The following RNF169 variants were observed in gnomAD, a reference collection of about 807,000 sequenced individuals.
The protein encoded by RNF169 is ring finger protein 169, also known as E3 ubiquitin-protein ligase RNF169.
RNF169 carries 24 observed loss-of-function variants against 53.9 expected under a neutral mutation model. That is an observed-to-expected ratio of 0.45 (90% CI 0.32 to 0.63). The LOEUF (loss-of-function observed/expected upper bound fraction) is 0.63. Among genes scored for constraint, RNF169 ranks in the 20% least tolerant of loss-of-function variants. The pLI is 0.04. For missense variants in RNF169, 883 were observed against 906.2 expected, an observed-to-expected ratio of 0.97 and a Z score of 0.33; for synonymous variants, 396 against 363.5, an observed-to-expected ratio of 1.09 and a Z score of -1.02.
intron 4 of RNF169, among the ~76,000 whole-genome samples, chr11:74,822,002 C>T (rs1043258727): frequency 2.6e-5 from 4 of 151,894 alleles, no homozygotes; most frequent in African/African-American, 7.3e-5. Flanking sequence ...CTGGGTTTCA[C>T]TCCAGGGTGT....
chr11:74,798,753 C>T (rs1431131262), intron 2 of RNF169, among the ~76,000 whole-genome samples: 2 of 152,094 alleles, frequency 1.3e-5, no homozygotes, highest in African/African-American at 4.8e-5. Flanking sequence ...CCCCTGGATG[C>T]CCATCTTTAA....
chr11:74,812,764 T>C (rs749033079), intron 3 of RNF169, among the ~76,000 whole-genome samples: 8 of 152,210 alleles, frequency 5.3e-5, no homozygotes, highest in Non-Finnish European at 1.0e-4. Context: ...ATATAGAAAC[T>C]ATTGTGATTA....
intron 1 of RNF169, among the ~76,000 whole-genome samples, chr11:74,788,054 A>G (rs986477554): frequency 2.0e-5 from 3 of 152,142 alleles, no homozygotes; most frequent in Admixed American, 6.5e-5. Context: ...ACAGAAATCT[A>G]CTCTGGCAAA....
Position 74,836,928 on chromosome 11 carries a change from A to C in RNF169, c.*198A>C, listed in dbSNP as rs1273579903. 12 of 531,934 alleles carry C rather than the reference A, an allele frequency of 2.3e-5. No homozygotes were observed. Among genetic ancestry groups the C allele is most frequent in the Non-Finnish European group, 4.0e-5 (12 of 303,744 alleles). 33.0% of individuals were successfully genotyped at this position (531,934 alleles called of 1,614,324 possible). A position where few individuals can be genotyped will look rare whatever the true frequency, so the allele number is the denominator to read the frequency against. ...CTCTGTGACCCAGGCCAGAAGCCTG[A>C]GTGACCCATCCCTAAGGGCTTCTGG... On this transcript the variant is annotated 3_prime_UTR_variant, in exon 6 of 6. Transcript: ENST00000299563.
At chr11:74,803,091 TC>T (rs1430667344) in intron 2 of RNF169, among the ~76,000 whole-genome samples, 1 of 150,178 alleles carries the variant, frequency 6.7e-6, no homozygotes, top group Non-Finnish European at 1.5e-5. Flanking sequence ...AGGCTAATTT[TC>T]TTTTTTTTTT....
At chr11:74,796,905 C>T (rs144258936) in intron 2 of RNF169, among the ~76,000 whole-genome samples, 9 of 152,250 alleles carry the variant, frequency 5.9e-5, no homozygotes, top group Middle Eastern at 3.4e-3. Context: ...GGCTGGAATG[C>T]GTTGGCTATT....
In RNF169 at chr11:74,835,651, C is replaced by T. The variant is rs2036243036; in HGVS notation, c.1048C>T (p.Pro350Ser). The stretch of plus-strand genomic sequence containing the variant: ...TGACTTAACCATCGAAAAGCGTCTA[C>T]CCTTCAGCTCCCTTTCATCCTTGGC... ...APDLTIEKRL[P>S]FSSLSSLASL... Residue 350 changes from proline (P) to serine (S), a missense_variant, in exon 6 of 6, where the codon CCC becomes TCC. Pro to Ser is a moderately conservative substitution (Grantham distance 74, BLOSUM62 -1). Transcript: ENST00000299563. 6.2e-7 allele frequency: 1 copy of T among 1,614,052 alleles called. No individual in the cohort carries two copies. Among genetic ancestry groups the T allele is most frequent in the African/African-American group, 1.3e-5 (1 of 74,908 alleles).
At chr11:74,821,180 T>G (rs2036004522) in intron 4 of RNF169, among the ~76,000 whole-genome samples, 1 of 152,226 alleles carries the variant, frequency 6.6e-6, no homozygotes, top group East Asian at 1.9e-4. Flanking sequence ...AAGGCTGCTC[T>G]CCTTCCATTT....
At chr11:74,767,887 G>C (rs572636224) in intron 1 of RNF169, among the ~76,000 whole-genome samples, 39 of 152,172 alleles carry the variant, frequency 2.6e-4, no homozygotes, top group African/African-American at 9.2e-4. Context: ...TATGTTGCCA[G>C]GGCAGGTCTT....
intron 1 of RNF169, among the ~76,000 whole-genome samples, chr11:74,772,332 GT>G (rs1246222058): frequency 1.3e-5 from 2 of 152,116 alleles, no homozygotes; most frequent in Non-Finnish European, 2.9e-5. Flanking sequence ...AGAGGTTTCT[GT>G]TTTCTGGTCT....
chr11:74,833,279 C>T (rs1004910539), intron 4 of RNF169, among the ~76,000 whole-genome samples: 2 of 152,206 alleles, frequency 1.3e-5, no homozygotes, highest in African/African-American at 2.4e-5. Flanking sequence ...TTTCTCCAAG[C>T]TAATGCTGGC....
At chr11:74,773,038 A>C (rs2035282728) in intron 1 of RNF169, among the ~76,000 whole-genome samples, 1 of 152,196 alleles carries the variant, frequency 6.6e-6, no homozygotes. Context: ...CAGTCATACA[A>C]ATATTTTATC....
At chr11:74,819,668 A>C (rs1310214297) in intron 4 of RNF169, among the ~76,000 whole-genome samples, 1 of 152,108 alleles carries the variant, frequency 6.6e-6, no homozygotes, top group African/African-American at 2.4e-5. Context: ...GGGCTCTAGG[A>C]GCTTAGATTG....
chr11:74,792,779 G>C (rs1005033186), intron 2 of RNF169, among the ~76,000 whole-genome samples: 1 of 152,168 alleles, frequency 6.6e-6, no homozygotes, highest in Admixed American at 6.5e-5. Context: ...TTAGAGGAGA[G>C]GTATGGGACA....
chr11:74,784,328 G>A (rs1012322871), intron 1 of RNF169, among the ~76,000 whole-genome samples: 10 of 152,228 alleles, frequency 6.6e-5, no homozygotes, highest in African/African-American at 1.9e-4. Context: ...TGTGTTGTAT[G>A]TGTGTGTTGG....
chr11:74,827,741 C>T (rs2036119883), intron 4 of RNF169, among the ~76,000 whole-genome samples: 1 of 152,126 alleles, frequency 6.6e-6, no homozygotes, highest in African/African-American at 2.4e-5. Context: ...ATATGATTAT[C>T]TCAATAGATG....
intron 1 of RNF169, among the ~76,000 whole-genome samples, chr11:74,755,125 C>T (rs534778483): frequency 5.3e-5 from 8 of 152,302 alleles, no homozygotes; most frequent in South Asian, 2.1e-4. Flanking sequence ...TAAAATGACT[C>T]ATTTCTTTAT....
chr11:74,798,911 G>A (rs1053345344), intron 2 of RNF169, among the ~76,000 whole-genome samples: 5 of 151,844 alleles, frequency 3.3e-5, no homozygotes. Flanking sequence ...AAAATTAGCC[G>A]GGCATGGTCG....
intron 1 of RNF169, among the ~76,000 whole-genome samples, chr11:74,770,287 A>G (rs879779315): frequency 6.6e-6 from 1 of 152,212 alleles, no homozygotes; most frequent in Non-Finnish European, 1.5e-5. Context: ...TTCTTTTTTG[A>G]TGTATACTGC....
Sources: gnomAD v4.1 joint callset for allele counts (sites outside exome capture counted in the v4.1 genomes callset) on GRCh38, gnomAD v4.1.1 for gene constraint, MANE v1.5 for transcripts, NCBI Gene and HGNC (gene_info 2026-07-23, HGNC 2026-07-21) for gene names.